CHMP4A: variants seen among roughly 807,000 people sequenced by gnomAD.
The protein encoded by CHMP4A is SNF7 homolog associated with Alix-2.
A neutral mutation model predicts 28.2 loss-of-function variants in CHMP4A; 29 were observed. The observed-to-expected ratio is 1.03, with a 90% CI of 0.77 to 1.40. The LOEUF (loss-of-function observed/expected upper bound fraction) is 1.40. Ranked by LOEUF, CHMP4A falls within the 40% of genes most tolerant of loss-of-function variation. The probability of loss-of-function intolerance (pLI) is 0.00; values close to 1 mark genes in which losing one functional copy is unlikely to be tolerated. For synonymous variants in CHMP4A, 88 were observed against 99.3 expected (o/e 0.89, Z 0.67); for missense variants, 241 against 263.5 (o/e 0.91, Z 0.59).
Position 24,211,463 on chromosome 14 carries a change from C to G in CHMP4A, c.311G>C (p.Arg104Pro), listed in dbSNP as rs145806351. The change falls in exon 3 of 6, where the codon CGT becomes CCT. Residue 104 changes from arginine (R) to proline (P), a missense_variant. Transcript: ENST00000347519. ...GCTTTGGGCAGCAAGCTCCATGGTA[C>G]GAAGGACTTCTGCATTGGTAGTGGC... The part of the protein sequence containing the change: ...ENATTNAEVL[R>P]TMELAAQSMK... 1.2e-6 allele frequency: 2 copies of G among 1,613,780 alleles called. No individual in the cohort carries two copies. The highest frequency in any genetic ancestry group is 1.7e-6 in the Non-Finnish European group (2 of 1,179,750).
At chr14:24,213,233 C>T in intron 1 of CHMP4A, 176 bp downstream of exon 1, 1 of 713,622 alleles carries the variant, frequency 1.4e-6, no homozygotes, top group Non-Finnish European at 2.1e-6. Context: ...CATGGTGTGC[C>T]TTTTGGCACC....
intron 1 of CHMP4A, 130 bp downstream of exon 1, chr14:24,213,278 GT>G: frequency 8.6e-7 from 1 of 1,165,842 alleles, no homozygotes; most frequent in Non-Finnish European, 1.1e-6. Flanking sequence ...GGCCGCCGGG[GT>G]TTTCCAGTCA....
In CHMP4A at chr14:24,211,609, C is replaced by T. The variant is rs1268844509; in HGVS notation, c.182-17G>A. ...GTAGGGCAGCTGACCCAGCCCATAC[C>T]CTGAACATCAAGAGTCAGAAGCACC... is the stretch of plus-strand genomic sequence containing the variant. On this transcript the variant is annotated splice_polypyrimidine_tract_variant and intron_variant, in intron 2 of 5. Transcript: ENST00000347519. 1.2e-6 allele frequency: 2 copies of T among 1,610,800 alleles called. No individual in the cohort carries two copies. Among genetic ancestry groups the T allele is most frequent in the Non-Finnish European group, 1.7e-6 (2 of 1,177,112 alleles).
chr14:24,212,031 C>G, intron 1 of CHMP4A: 1 of 509,718 alleles, frequency 2.0e-6, no homozygotes, highest in East Asian at 3.1e-5. Flanking sequence ...AGAGATTGTG[C>G]AGGAATCAAG....
Position 24,210,235 on chromosome 14 carries a change from A to C in CHMP4A, c.610+113T>G, listed in dbSNP as rs560248281. On this transcript the variant is annotated intron_variant, in intron 5 of 5. Coordinates refer to ENST00000347519, the MANE Select transcript of CHMP4A (RefSeq NM_014169.5). ...TGCAGTCAACAACCTGCACAACTGC[A>C]GCAGCAGCCCTTTCTGTGTGGCTCC... is the stretch of plus-strand genomic sequence containing the variant. 1.7e-4 allele frequency: 237 copies of C among 1,395,190 alleles called. 1 individual carries two copies. The African/African-American group carries it at 3.1e-3, about 18-fold the overall frequency. 86.4% of individuals were successfully genotyped at this position (1,395,190 alleles called of 1,614,324 possible). A position where few individuals can be genotyped will look rare whatever the true frequency, so the allele number is the denominator to read the frequency against.
chr14:24,212,029 T>G (rs570415849), intron 1 of CHMP4A, 200 bp from the exon 2 acceptor site: 8 of 514,104 alleles, frequency 1.6e-5, no homozygotes, highest in South Asian at 1.4e-4. Flanking sequence ...TAAGAGATTG[T>G]GCAGGAATCA....
At position 24,211,531 on chromosome 14, in the gene CHMP4A, C is replaced by T. The variant is rs148036845; in HGVS notation, c.243G>A (p.Gly81=). The T allele has an allele frequency of 2.0e-5, 33 of 1,613,964 alleles. No individual in the cohort carries two copies. Among genetic ancestry groups the T allele is most frequent in the Admixed American group, 5.0e-5 (3 of 60,002 alleles). ...GCTGAAACTCCAGGGTGGATAATGT[C>T]CCGTCAGTTTGTGCCAGCTGCTGTT... is the stretch of plus-strand genomic sequence containing the variant. The part of the protein sequence containing the change: ...RFEQQLAQTD[G]TLSTLEFQRE... Residue 81 remains glycine, a synonymous_variant, in exon 3 of 6, where the codon GGG becomes GGA. Transcript: ENST00000347519.
In CHMP4A at chr14:24,213,428, G is replaced by A. The variant is rs1269355856; in HGVS notation, c.12C>T (p.Leu4=). 4.3e-6 allele frequency: 7 copies of A among 1,609,408 alleles called. No individual in the cohort carries two copies. The highest frequency in any genetic ancestry group is 5.9e-6 in the Non-Finnish European group (7 of 1,178,648). MSG[L]GRLFGKGKKE... The stretch of plus-strand genomic sequence containing the variant: ...GCTCACCCTTCCCGAAGAGCCTGCC[G>A]AGACCACTCATCGCGAGCTCGCCTC... The change falls in exon 1 of 6, where the codon CTC becomes CTT. Residue 4 remains leucine (L), a synonymous_variant. Transcript: ENST00000347519.
At chr14:24,212,157 G>C (rs1255479789) in intron 1 of CHMP4A, 1 of 205,780 alleles carries the variant, frequency 4.9e-6, no homozygotes, top group African/African-American at 2.3e-5. Context: ...GCAATGGCGT[G>C]ATCTCAGCTC....
chr14:24,211,337 G>A, intron 3 of CHMP4A, 78 bp downstream of exon 3: 2 of 1,245,790 alleles, frequency 1.6e-6, no homozygotes, highest in Non-Finnish European at 2.2e-6. Flanking sequence ...CATTCTGAGA[G>A]GCTTTAAAGT....
At chr14:24,211,918 G>C in intron 1 of CHMP4A, 89 bp from the exon 2 acceptor site, 1 of 1,211,630 alleles carries the variant, frequency 8.3e-7, no homozygotes. Flanking sequence ...CTAGAGACCT[G>C]ACTGTGTTAT....
rs757409020 is a variant in CHMP4A at position 24,210,479 on chromosome 14, T to G, written c.479A>C (p.Glu160Ala). The G allele has an allele frequency of 2.1e-5, 34 of 1,613,602 alleles. No individual in the cohort carries two copies. In the Admixed American group the frequency reaches 5.7e-4, roughly 27 times the overall value. Residue 160 changes from glutamate to alanine, a missense_variant, in exon 5 of 6, where the codon GAA becomes GCA. Coordinates refer to ENST00000347519, the MANE Select transcript of CHMP4A (RefSeq NM_014169.5). ...MGFGDDVDED[E>A]LLEELEELEQ... Reference sequence around the variant, plus strand: ...CAGCTCCTCTAGCTCCTCCAGCAGTTCATCCTGGATAGGGAAGACAAGACC... The same window carrying G: ...CAGCTCCTCTAGCTCCTCCAGCAGTGCATCCTGGATAGGGAAGACAAGACC...
chr14:24,211,127 T>G (rs1274217323), intron 3 of CHMP4A: 1 of 405,344 alleles, frequency 2.5e-6, no homozygotes, highest in Non-Finnish European at 4.5e-6. Context: ...GAGGTTGCAG[T>G]GAGCCGAGAT....
intron 5 of CHMP4A, 149 bp downstream of exon 5, chr14:24,210,199 G>T: frequency 9.5e-7 from 1 of 1,050,608 alleles, no homozygotes; most frequent in Non-Finnish European, 1.4e-6. Context: ...CAGGCTAGGT[G>T]GGTGCCTATA....
chr14:24,211,561 T>A lies in CHMP4A; in HGVS notation c.213A>T (p.Arg71Ser). 4.3e-6 allele frequency: 7 copies of A among 1,613,552 alleles called. No individual in the cohort carries two copies. Among genetic ancestry groups the A allele is most frequent in the Non-Finnish European group, 5.9e-6 (7 of 1,179,458 alleles). The change falls in exon 3 of 6, where the codon AGA (arginine) becomes AGT (serine). Residue 71 changes from arginine to serine, a missense_variant. Physicochemically the swap from Arg to Ser is moderately radical, Grantham distance 110 (BLOSUM62 -1). Transcript: ENST00000347519. Reference sequence around the variant, plus strand: ...CAGTTTGTGCCAGCTGCTGTTCGAATCTTTTCTTCCTCCGCAAAGCCTGTA... The same window carrying A: ...CAGTTTGTGCCAGCTGCTGTTCGAAACTTTTCTTCCTCCGCAAAGCCTGTA... Reference protein sequence around the residue: ...AALQALRRKKRFEQQLAQTDG... With the variant: ...AALQALRRKKSFEQQLAQTDG...
Position 24,210,710 on chromosome 14 carries a change from G to A in CHMP4A, c.418C>T (p.Gln140Ter). 6.2e-7 allele frequency: 1 copy of A among 1,614,044 alleles called. No homozygotes were observed. Among genetic ancestry groups the A allele is most frequent in the Non-Finnish European group, 8.5e-7 (1 of 1,179,976 alleles). ...TDITEQQEVA[Q>*]QISDAISRPM... is the part of the protein sequence containing the mutation. Reference sequence around the variant, plus strand: ...CGAGAAATGGCATCTGAGATCTGCTGGGCCACCTCCTGTTGTTCCGTGATG... The same window carrying A: ...CGAGAAATGGCATCTGAGATCTGCTAGGCCACCTCCTGTTGTTCCGTGATG... The change falls in exon 4 of 6, where the codon CAG (glutamine) becomes TAG (stop). Residue 140 changes from glutamine (Q) to a stop codon, truncating the protein, a stop_gained. Coordinates refer to ENST00000347519, the MANE Select transcript of CHMP4A (RefSeq NM_014169.5). LOFTEE classifies it high-confidence loss of function.
chr14:24,209,686 C>T lies in CHMP4A; in HGVS notation c.*191G>A, dbSNP rs2039573632. ...TCAAAGAGAAGGGAGCCCAAGGGCT[C>T]CTTCTGTAGCAAGATCCTTCTTCAG... On this transcript the variant is annotated 3_prime_UTR_variant, in exon 6 of 6. Coordinates refer to ENST00000347519, the MANE Select transcript of CHMP4A (RefSeq NM_014169.5). The T allele has an allele frequency of 2.6e-5, 16 of 623,866 alleles. No individual in the cohort carries two copies. The South Asian group carries it at 2.9e-4, about 11-fold the overall frequency. The allele number at this position is 623,866 out of a possible 1,614,324, so 38.6% of individuals were successfully genotyped here. A position where few individuals can be genotyped will look rare whatever the true frequency, so the allele number is the denominator to read the frequency against.
At position 24,210,445 on chromosome 14, in the gene CHMP4A, C is replaced by G; in HGVS notation, c.513G>C (p.Glu171Asp). The G allele has an allele frequency of 6.2e-7, 1 of 1,614,116 alleles. No homozygotes were observed. Among genetic ancestry groups the G allele is most frequent in the African/African-American group, 1.3e-5 (1 of 75,018 alleles). Reference protein sequence around the residue: ...LLEELEELEQEELAQELLNVG... With the variant: ...LLEELEELEQDELAQELLNVG... ...CATTTAACAACTCCTGGGCCAATTC[C>G]TCCTGCTCCAGCTCCTCTAGCTCCT... is the stretch of plus-strand genomic sequence containing the variant. The change falls in exon 5 of 6, where the codon GAG (glutamate) becomes GAC (aspartate). Residue 171 changes from glutamate to aspartate, a missense_variant. Coordinates refer to ENST00000347519, the MANE Select transcript of CHMP4A (RefSeq NM_014169.5).
chr14:24,210,620 C>T, intron 4 of CHMP4A, 34 bp downstream of exon 4: 1 of 1,599,508 alleles, frequency 6.3e-7, no homozygotes, highest in Non-Finnish European at 8.6e-7. Flanking sequence ...CCCATACTTT[C>T]TGCAATATTC....
Sources: gnomAD v4.1 joint callset for allele counts on GRCh38, gnomAD v4.1.1 for gene constraint, MANE v1.5 for transcripts, NCBI Gene and HGNC (gene_info 2026-07-23, HGNC 2026-07-21) for gene names.